The following SEMA3A variants were observed in gnomAD, a reference collection of about 807,000 sequenced individuals.
The protein encoded by SEMA3A is semaphorin 3A.
SEMA3A carries 29 observed loss-of-function variants against 97.9 expected under a neutral mutation model. The observed-to-expected ratio is 0.30, with a 90% confidence interval of 0.22 to 0.40. The LOEUF is 0.40. SEMA3A is among the 10% of genes least tolerant of loss of function. SEMA3A has a pLI of 1.00. For missense variants in SEMA3A, 763 were observed against 951.3 expected (o/e 0.80, Z 2.60); for synonymous variants, 321 against 323.7 (o/e 0.99, Z 0.09).
At chr7:84,179,334 A>G (rs1261802742) in intron 1 of SEMA3A, among the ~76,000 whole-genome samples, 35 of 152,188 alleles carry the variant, frequency 2.3e-4, no homozygotes, top group Non-Finnish European at 2.9e-5. Flanking sequence ...ATGAGGTTAA[A>G]TTAATTTGTT....
chr7:83,965,386 T>G (rs1428490207), intron 15 of SEMA3A, among the ~76,000 whole-genome samples: 5 of 151,524 alleles, frequency 3.3e-5, no homozygotes, highest in Non-Finnish European at 7.4e-5. Flanking sequence ...CAGCATCTCC[T>G]TTATCAACAG....
intron 1 of SEMA3A, among the ~76,000 whole-genome samples, chr7:84,483,158 T>C (rs576881776): frequency 7.9e-5 from 12 of 152,290 alleles, no homozygotes; most frequent in African/African-American, 2.4e-4. Flanking sequence ...TTAAAATTAA[T>C]TTTCTCAAAC....
intron 3 of SEMA3A, among the ~76,000 whole-genome samples, chr7:84,283,569 C>CA (rs962736013): frequency 7.0e-4 from 99 of 141,066 alleles, no homozygotes; most frequent in Middle Eastern, 3.6e-3. Context: ...TTGCATGTGG[C>CA]AAAAAAAAAA....
chr7:84,376,278 G>T (rs1289909933), intron 1 of SEMA3A, among the ~76,000 whole-genome samples: 1 of 152,048 alleles, frequency 6.6e-6, no homozygotes, highest in South Asian at 2.1e-4. Flanking sequence ...GTTTTTTATG[G>T]TTGTGCTAAT....
chr7:84,472,092 C>T (rs1250397179), intron 1 of SEMA3A, among the ~76,000 whole-genome samples: 1 of 151,724 alleles, frequency 6.6e-6, no homozygotes, highest in Non-Finnish European at 1.5e-5. Context: ...AGTGTCCAGT[C>T]TATAATAAAA....
At chr7:84,223,273 A>T (rs974548272) in intron 3 of SEMA3A, among the ~76,000 whole-genome samples, 7 of 151,694 alleles carry the variant, frequency 4.6e-5, no homozygotes, top group Non-Finnish European at 7.4e-5. Context: ...CTGCTTTGTT[A>T]CCTCTCTCCA....
intron 12 of SEMA3A, among the ~76,000 whole-genome samples, chr7:83,992,298 T>A (rs1356616839): frequency 6.8e-6 from 1 of 147,030 alleles, no homozygotes; most frequent in African/African-American, 2.6e-5. Context: ...TTTTGAAGGG[T>A]TTTTTGTGTC....
intron 1 of SEMA3A, among the ~76,000 whole-genome samples, chr7:84,437,326 GTATT>G (rs1259716681): frequency 1.3e-5 from 2 of 151,994 alleles, no homozygotes; most frequent in Non-Finnish European, 2.9e-5. Flanking sequence ...TTTATTGCTA[GTATT>G]TAAAGTCACT....
intron 15 of SEMA3A, among the ~76,000 whole-genome samples, chr7:83,970,238 C>A (rs1788861894): frequency 6.6e-6 from 1 of 152,100 alleles, no homozygotes; most frequent in Non-Finnish European, 1.5e-5. Flanking sequence ...ATCATTTCCT[C>A]TTTTAGTGGG....
chr7:84,370,134 T>G (rs1013831498), intron 2 of SEMA3A, among the ~76,000 whole-genome samples: 3 of 151,524 alleles, frequency 2.0e-5, no homozygotes, highest in African/African-American at 7.2e-5. Context: ...GACCAGATTC[T>G]TGAGAACTTG....
chr7:84,200,013 G>T (rs903290087), upstream of SEMA3A, among the ~76,000 whole-genome samples: 9 of 151,972 alleles, frequency 5.9e-5, no homozygotes, highest in African/African-American at 1.9e-4. Context: ...AATGCAAAGA[G>T]AATTCAATCT....
At chr7:84,420,754 T>C (rs1323524623) in intron 1 of SEMA3A, among the ~76,000 whole-genome samples, 2 of 152,240 alleles carry the variant, frequency 1.3e-5, no homozygotes, top group South Asian at 4.1e-4. Flanking sequence ...TCATTTCTTC[T>C]AGATTTTCTA....
intron 1 of SEMA3A, among the ~76,000 whole-genome samples, chr7:84,453,443 A>C (rs185218368): frequency 0.027 from 4,046 of 151,946 alleles, 168 homozygotes; most frequent in African/African-American, 0.091. Context: ...TCACCGTGTT[A>C]GCCAGGATGG....
upstream of SEMA3A, among the ~76,000 whole-genome samples, chr7:84,197,093 C>T (rs1392266107): frequency 6.6e-6 from 1 of 151,828 alleles, no homozygotes; most frequent in African/African-American, 2.4e-5. Flanking sequence ...GGATTTTGAA[C>T]CACAAAATCA....
intron 1 of SEMA3A, among the ~76,000 whole-genome samples, chr7:84,395,770 G>T (rs1803715851): frequency 6.6e-6 from 1 of 152,064 alleles, no homozygotes; most frequent in Admixed American, 6.6e-5. Context: ...TGCCATGATT[G>T]TAAGTTTCCT....
intron 6 of SEMA3A, among the ~76,000 whole-genome samples, chr7:84,029,808 T>TACACACACACAC (rs1282430932): frequency 1.4e-5 from 2 of 141,222 alleles, no homozygotes; most frequent in African/African-American, 6.2e-5. Context: ...ATCCCTTCCA[T>TACACACACACAC]ATACACACAC....
chr7:84,040,011 A>T (rs547123489), intron 6 of SEMA3A, among the ~76,000 whole-genome samples: 4 of 152,056 alleles, frequency 2.6e-5, no homozygotes, highest in South Asian at 2.1e-4. Flanking sequence ...ATATGAACAC[A>T]TATTTTATCA....
intron 4 of SEMA3A, among the ~76,000 whole-genome samples, chr7:84,073,395 A>C (rs1793817001): frequency 1.3e-5 from 2 of 152,248 alleles, no homozygotes; most frequent in Middle Eastern, 6.8e-3. Context: ...CAAAATTTCC[A>C]AAGAAAATAA....
At chr7:84,042,657 A>T (rs1184010061) in intron 6 of SEMA3A, among the ~76,000 whole-genome samples, 1 of 152,062 alleles carries the variant, frequency 6.6e-6, no homozygotes, top group Non-Finnish European at 1.5e-5. Flanking sequence ...TATAGGAGAT[A>T]GGTAGTACCT....
Sources: gnomAD v4.1 joint callset for allele counts (sites outside exome capture counted in the v4.1 genomes callset) on GRCh38, gnomAD v4.1.1 for gene constraint, MANE v1.5 for transcripts, NCBI Gene and HGNC (gene_info 2026-07-23, HGNC 2026-07-21) for gene names.